The following SLC2A7 variants were observed in gnomAD, a reference collection of about 807,000 sequenced individuals.
The protein encoded by SLC2A7 is solute carrier family 2, facilitated glucose transporter member 7.
A neutral mutation model predicts 50.5 loss-of-function variants in SLC2A7; 50 were observed. That is an observed-to-expected ratio of 0.99 (90% confidence interval 0.79 to 1.25). The LOEUF is 1.25. Ranked by LOEUF, SLC2A7 falls within the 50% of genes most tolerant of loss-of-function variation. SLC2A7 has a pLI of 0.00. For synonymous variants in SLC2A7, 308 were observed against 300.4 expected (o/e 1.03, Z -0.26); for missense variants, 683 against 679.1 (o/e 1.01, Z -0.06).
At chr1:9,020,221 G>T (rs536009836) in intron 3 of SLC2A7, among the ~76,000 whole-genome samples, 1 of 152,316 alleles carries the variant, frequency 6.6e-6, no homozygotes, top group South Asian at 2.1e-4. Context: ...TGCCTGCAAA[G>T]GGGAGGGCAG....
rs1048511594 is a variant in SLC2A7 at position 9,008,483 on chromosome 1, C to T, written c.1117-1098G>A. ...TGGACAGAAGGAGTGAAAGAGCCAC[C>T]GGGGATGCCCCTAGGTTTCAGAAGT... On this transcript the variant is annotated intron_variant, in intron 9 of 11. Transcript: ENST00000400906. This position sits in a 1 kb window ranked among gnomAD's most constrained non-coding sequence, Gnocchi z 5.9. Among the ~76,000 whole-genome samples, 13 of 152,274 alleles carry T rather than the reference C, an allele frequency of 8.5e-5. No individual in the cohort carries two copies. Among genetic ancestry groups the T allele is most frequent in the African/African-American group, 2.4e-4 (10 of 41,558 alleles).
the SLC2A7 span, among the ~76,000 whole-genome samples, chr1:8,993,242 T>C: frequency 6.6e-6 from 1 of 152,180 alleles, no homozygotes; most frequent in Non-Finnish European, 1.5e-5. Context: ...ATTATGAGAC[T>C]AGCTTAGGAA....
At chr1:9,017,321 AAAC>A (rs760563841) in intron 5 of SLC2A7, among the ~76,000 whole-genome samples, 5 of 152,118 alleles carry the variant, frequency 3.3e-5, no homozygotes, top group African/African-American at 1.2e-4. Context: ...CCCTGCCTCA[AAAC>A]AACAACAACA....
chr1:9,010,178 C>A lies in SLC2A7; in HGVS notation c.1081G>T (p.Ala361Ser). 6.4e-7 allele frequency: 1 copy of A among 1,552,506 alleles called. No homozygotes were observed. ...LLAGYGICGSACLVLTVVLLF... is the reference protein window; with the variant it reads ...LLAGYGICGSSCLVLTVVLLF... ...AGCACCACCGTCAGCACCAGGCAGG[C>A]AGAGCCGCAGATGCCGTAGCCGGCC... The change falls in exon 9 of 12, where the codon GCC (alanine) becomes TCC (serine). Residue 361 changes from alanine (A) to serine (S), a missense_variant. Physicochemically the swap from Ala to Ser is moderately conservative, Grantham distance 99. Coordinates refer to ENST00000400906, the MANE Select transcript of SLC2A7 (RefSeq NM_207420.3).
rs986266700 is a variant in SLC2A7, at chr1:9,008,141, C to A, written c.1117-756G>T. 3.3e-5 allele frequency among the ~76,000 whole-genome samples: 5 copies of A among 152,040 alleles called. No individual in the cohort carries two copies. The highest frequency in any genetic ancestry group is 7.4e-5 in the Non-Finnish European group (5 of 67,988). Reference sequence around the variant, plus strand: ...GCCGAGAGAACAGCCAATGCAAAACCGGGTCAACGGACTTCAGCCAAACTA... The same window carrying A: ...GCCGAGAGAACAGCCAATGCAAAACAGGGTCAACGGACTTCAGCCAAACTA... On this transcript the variant is annotated intron_variant, in intron 9 of 11. Transcript: ENST00000400906. This position sits in a 1 kb window ranked among gnomAD's most constrained non-coding sequence, Gnocchi z 5.9.
the SLC2A7 span, among the ~76,000 whole-genome samples, chr1:8,997,880 T>C: frequency 2.0e-4 from 31 of 152,348 alleles, no homozygotes; most frequent in African/African-American, 7.2e-4. Flanking sequence ...TTTTCTTTTA[T>C]GGATTGTGCT....
At chr1:9,016,290 T>G (rs975260244) in intron 5 of SLC2A7, among the ~76,000 whole-genome samples, 2 of 152,258 alleles carry the variant, frequency 1.3e-5, no homozygotes, top group East Asian at 3.9e-4. Context: ...TGTGCAGAAT[T>G]TGGGTCATTC....
chr1:9,015,053 G>T, intron 6 of SLC2A7, 64 bp downstream of exon 6: 1 of 1,600,028 alleles, frequency 6.2e-7, no homozygotes, highest in South Asian at 1.1e-5. Context: ...CTGTGGCCCT[G>T]ACCGTGTCTC....
chr1:9,020,874 C>T (rs1162008288), intron 3 of SLC2A7, among the ~76,000 whole-genome samples: 2 of 151,934 alleles, frequency 1.3e-5, no homozygotes, highest in East Asian at 3.9e-4. Flanking sequence ...TAAGTCTCAC[C>T]AGGTCTGATG....
intron 8 of SLC2A7, among the ~76,000 whole-genome samples, chr1:9,010,547 G>A (rs547996049): frequency 3.3e-5 from 5 of 152,190 alleles, no homozygotes; most frequent in African/African-American, 9.6e-5. Flanking sequence ...TCGTAGAGAC[G>A]AGGTTTCACC....
intron 9 of SLC2A7, 57 bp from the exon 10 acceptor site, chr1:9,007,442 G>T (rs1268994454): frequency 9.1e-6 from 14 of 1,532,968 alleles, no homozygotes; most frequent in African/African-American, 5.5e-5. Flanking sequence ...GTGCGGGGGG[G>T]TCCACCTGCG....
chr1:9,024,372 A>T (rs1640963067), intron 2 of SLC2A7, among the ~76,000 whole-genome samples: 1 of 152,088 alleles, frequency 6.6e-6, no homozygotes, highest in Non-Finnish European at 1.5e-5. Context: ...TATACGTAAT[A>T]CACAAACAAA....
intron 8 of SLC2A7, among the ~76,000 whole-genome samples, chr1:9,012,289 G>A (rs1569792565): frequency 6.6e-6 from 1 of 152,204 alleles, no homozygotes; most frequent in African/African-American, 2.4e-5. Context: ...GAGGGAAAGG[G>A]TATTTTTCTG....
At chr1:9,010,328 C>T (rs1226085056) in intron 8 of SLC2A7, 84 bp from the exon 9 acceptor site, 2 of 1,104,392 alleles carry the variant, frequency 1.8e-6, no homozygotes, top group East Asian at 5.2e-5. Context: ...CTTTTGTGGG[C>T]CCCTCTTAGG....
chr1:9,006,191 C>T (rs1640651333), intron 10 of SLC2A7, among the ~76,000 whole-genome samples: 1 of 152,216 alleles, frequency 6.6e-6, no homozygotes, highest in African/African-American at 2.4e-5. Flanking sequence ...GGCACTTTTC[C>T]TTTGAGGTTC....
At chr1:9,026,263 G>A (rs1407951798) in intron 1 of SLC2A7, 32 bp downstream of exon 1, 3 of 1,603,600 alleles carry the variant, frequency 1.9e-6, no homozygotes, top group South Asian at 1.1e-5. Flanking sequence ...GTGGGAGAGG[G>A]ACAGTGACAG....
intron 9 of SLC2A7, 62 bp from the exon 10 acceptor site, chr1:9,007,447 C>T (rs1441528238): frequency 2.0e-6 from 3 of 1,501,778 alleles, no homozygotes; most frequent in Non-Finnish European, 2.8e-6. Context: ...GGGGGGTCCA[C>T]CTGCGGGTCC....
chr1:9,002,197 C>T (rs906689754), downstream of SLC2A7, among the ~76,000 whole-genome samples: 13 of 152,046 alleles, frequency 8.6e-5, no homozygotes, highest in African/African-American at 1.9e-4. Flanking sequence ...GATATGGCCT[C>T]GTGGGAGGGG....
chr1:9,019,632 GAC>G (rs1178948776), intron 3 of SLC2A7, among the ~76,000 whole-genome samples: 1 of 152,110 alleles, frequency 6.6e-6, no homozygotes, highest in African/African-American at 2.4e-5. Context: ...GCCCCGTGAA[GAC>G]ACAGCCAGGC....
Sources: allele counts gnomAD v4.1 joint callset (sites outside exome capture counted in the v4.1 genomes callset), GRCh38; gene constraint gnomAD v4.1.1; non-coding constraint Gnocchi (gnomAD v3.1); transcripts MANE v1.5; gene names NCBI Gene and HGNC (gene_info 2026-07-23, HGNC 2026-07-21).